The following ACP6 variants were observed in gnomAD, a reference collection of about 807,000 sequenced individuals.
ACP6 encodes the protein acid phosphatase 6, lysophosphatidic.
ACP6 carries 48 observed loss-of-function variants against 48.1 expected under a neutral mutation model. The observed-to-expected ratio is 1.00, with a 90% CI of 0.79 to 1.27. ACP6 has a LOEUF of 1.27. ACP6 is among the 50% of genes most tolerant of loss of function. The pLI, the probability that ACP6 is intolerant of heterozygous loss-of-function variation, is 0.00. For synonymous variants in ACP6, 172 were observed against 204.2 expected (o/e 0.84, Z 1.34); for missense variants, 485 against 529.1 (o/e 0.92, Z 0.82).
exon 6 of ACP6, chr1:147,629,693 A>G (rs993743531): frequency 6.6e-6 from 1 of 152,228 alleles, no homozygotes; most frequent in Non-Finnish European, 1.5e-5. Context: ...ATTTAAAGCA[A>G]TAAGTATATA....
At chr1:147,653,852 C>T (rs782802657) in intron 6 of ACP6, among the ~76,000 whole-genome samples, 1 of 152,098 alleles carries the variant, frequency 6.6e-6, no homozygotes, top group Non-Finnish European at 1.5e-5. Context: ...ATAGTACTCT[C>T]AAGAAGTGAT....
intron 7 of ACP6, 109 bp downstream of exon 7, chr1:147,652,340 C>G: frequency 8.9e-7 from 1 of 1,125,430 alleles, no homozygotes; most frequent in Non-Finnish European, 1.3e-6. Flanking sequence ...CCTCCTTACA[C>G]GAGGAGACAT....
chr1:147,661,209 C>T (rs186853588), intron 1 of ACP6, among the ~76,000 whole-genome samples: 1 of 152,270 alleles, frequency 6.6e-6, no homozygotes, highest in East Asian at 1.9e-4. Context: ...TCTTGGCTCA[C>T]TGAAACGTCT....
chr1:147,652,322 G>C (rs1274401459), intron 7 of ACP6, 127 bp downstream of exon 7: 10 of 916,394 alleles, frequency 1.1e-5, no homozygotes, highest in Non-Finnish European at 1.6e-5. Flanking sequence ...GGGCAGAATG[G>C]GGTTCAGCCT....
At chr1:147,637,464 T>C (rs1659327802), downstream of ACP6, among the ~76,000 whole-genome samples, 1 of 152,186 alleles carries the variant, frequency 6.6e-6, no homozygotes, top group African/African-American at 2.4e-5. Context: ...ATGCCCTCTG[T>C]CTCTTTGATC....
chr1:147,632,162 C>CTT (rs1377282528), intron 5 of ACP6, among the ~76,000 whole-genome samples: 2 of 150,638 alleles, frequency 1.3e-5, no homozygotes, highest in Non-Finnish European at 2.9e-5. Context: ...GAGGTCTTCT[C>CTT]TGAGTACCCT....
Position 147,659,645 on chromosome 1 carries a change from A to C in ACP6, c.348+2T>G. 1 of 1,614,164 alleles carries C rather than the reference A, an allele frequency of 6.2e-7. No homozygotes were observed. Among genetic ancestry groups the C allele is most frequent in the Non-Finnish European group, 8.5e-7 (1 of 1,180,006 alleles). On this transcript the variant is annotated splice_donor_variant, in intron 2 of 9. Coordinates refer to ENST00000583509, the MANE Select transcript of ACP6 (RefSeq NM_016361.5). LOFTEE classifies it high-confidence loss of function. The stretch of plus-strand genomic sequence containing the variant: ...TCCCCAGAGCAAGGAAGCATTGCTC[A>C]CCTTCAGGGTGGTCTCATGGTATTG...
In ACP6 at chr1:147,643,146, A is replaced by AC. The variant is rs1261049732; in HGVS notation, c.*4276dup. ...AAGGCCCTATCTCCAAATACATTAC[A>AC]CCTGAGGTACATTCAGTCCTCAACA... On this transcript the variant is annotated 3_prime_UTR_variant, in exon 10 of 10. Coordinates refer to ENST00000583509, the MANE Select transcript of ACP6 (RefSeq NM_016361.5). The AC allele has an allele frequency of 8.5e-5, 13 of 152,200 alleles. No individual in the cohort carries two copies. Among genetic ancestry groups the AC allele is most frequent in the Admixed American group, 8.5e-4 (13 of 15,282 alleles). 9.4% of individuals were successfully genotyped at this position (152,200 alleles called of 1,614,324 possible). A position where few individuals can be genotyped will look rare whatever the true frequency, so the allele number is the denominator to read the frequency against.
At chr1:147,668,071 T>G (rs1469159705) in intron 1 of ACP6, among the ~76,000 whole-genome samples, 1 of 152,148 alleles carries the variant, frequency 6.6e-6, no homozygotes, top group Non-Finnish European at 1.5e-5. Context: ...AAACAAGTTT[T>G]AAGAGGCTAA....
intron 5 of ACP6, among the ~76,000 whole-genome samples, chr1:147,654,606 C>T (rs1480631816): frequency 6.6e-6 from 1 of 152,188 alleles, no homozygotes; most frequent in African/African-American, 2.4e-5. Flanking sequence ...GCAAGCATGG[C>T]CCAGGTCTGT....
At chr1:147,650,414 G>T in intron 7 of ACP6, 176 bp from the exon 8 acceptor site, 2 of 525,952 alleles carry the variant, frequency 3.8e-6, no homozygotes, top group Non-Finnish European at 6.6e-6. Flanking sequence ...CGGTCTTGGG[G>T]TCCTCTGTGA....
At chr1:147,657,985 T>G (rs1660343707) in intron 4 of ACP6, among the ~76,000 whole-genome samples, 1 of 152,240 alleles carries the variant, frequency 6.6e-6, no homozygotes, top group East Asian at 1.9e-4. Flanking sequence ...CTTTGCCTTT[T>G]AGAAGCTGAG....
chr1:147,664,984 G>A (rs587759890), intron 1 of ACP6, among the ~76,000 whole-genome samples: 4 of 152,302 alleles, frequency 2.6e-5, no homozygotes, highest in South Asian at 2.1e-4. Context: ...GAAAGCTTGC[G>A]CAAAGCAGAG....
At chr1:147,648,568 G>A (rs1659752587) in intron 8 of ACP6, among the ~76,000 whole-genome samples, 157 bp from the exon 9 acceptor site, 1 of 152,138 alleles carries the variant, frequency 6.6e-6, no homozygotes, top group Non-Finnish European at 1.5e-5. Flanking sequence ...AGTAGATCGT[G>A]GGAAGAACCC....
In ACP6 at chr1:147,652,474, A is replaced by C. The variant is rs1659977937; in HGVS notation, c.856T>G (p.Leu286Val). 2 of 1,613,828 alleles carry C rather than the reference A, an allele frequency of 1.2e-6. No individual in the cohort carries two copies. Among genetic ancestry groups the C allele is most frequent in the Admixed American group, 3.3e-5 (2 of 59,966 alleles). ...MIEQRAVDTS[L>V]YILPKEDRES... ...CTGTCTTCCTTGGGCAGTATGTACA[A>C]GGATGTGTCCACAGCTCTCTGTTCG... is the stretch of plus-strand genomic sequence containing the variant. The change falls in exon 7 of 10, where the codon TTG (leucine) becomes GTG (valine). Residue 286 changes from leucine (L) to valine (V), a missense_variant. Transcript: ENST00000583509.
chr1:147,647,425 A>G lies in ACP6; in HGVS notation c.1285T>C (p.Ter429GlnextTer9). ...CACATCCTGCTTTTATAAATCAGTTACTCTTCATTTCCAACTTCCATCACC... is the reference window on the plus strand; with the variant it reads ...CACATCCTGCTTTTATAAATCAGTTGCTCTTCATTTCCAACTTCCATCACC... Reference protein sequence around the residue: ...TQVMEVGNEE* With the variant: ...TQVMEVGNEEQ Residue 429 changes from the stop codon to glutamine (Q), a stop_lost, in exon 10 of 10, where the codon TAA becomes CAA. Transcript: ENST00000583509. The G allele has an allele frequency of 6.2e-7, 1 of 1,613,926 alleles. No individual in the cohort carries two copies.
intron 8 of ACP6, chr1:147,649,850 TATC>T (rs1659825333): frequency 6.8e-6 from 3 of 440,018 alleles, no homozygotes; most frequent in Admixed American, 4.7e-5. Context: ...TTTGGACTAT[TATC>T]ATATCAAATC....
rs1160152346 is a variant in ACP6, at chr1:147,643,576, C to G, written c.*3847G>C. The G allele has an allele frequency of 3.3e-5, 5 of 152,134 alleles. No individual in the cohort carries two copies. The highest frequency in any genetic ancestry group is 1.2e-4 in the African/African-American group (5 of 41,404). 9.4% of individuals were successfully genotyped at this position (152,134 alleles called of 1,614,324 possible). On this transcript the variant is annotated 3_prime_UTR_variant, in exon 10 of 10. Transcript: ENST00000583509. ...CAGGCACAGGAACAACAGGTGCTCA[C>G]CCCGAGGTGAGGACATGGCTCAGGA...
At position 147,660,017 on chromosome 1, in the gene ACP6, G is replaced by A. The variant is rs587747698; in HGVS notation, c.220-242C>T. Among the ~76,000 whole-genome samples the A allele has an allele frequency of 2.0e-5, 3 of 152,292 alleles. No individual in the cohort carries two copies. In the South Asian group the frequency reaches 6.2e-4, roughly 32 times the overall value. On this transcript the variant is annotated intron_variant, in intron 1 of 9. Transcript: ENST00000583509. ...CTACACTAGTAATGACTGCTAAGGG[G>A]CTGCTCTGGCACTTAGCCCACACTG...
Sources: allele counts gnomAD v4.1 joint callset (sites outside exome capture counted in the v4.1 genomes callset), GRCh38; gene constraint gnomAD v4.1.1; transcripts MANE v1.5; gene names NCBI Gene and HGNC (gene_info 2026-07-23, HGNC 2026-07-21).